Variants in ATP8A1 observed in about 807,000 individuals in gnomAD.
The protein encoded by ATP8A1 is phospholipid-transporting ATPase IA.
In ATP8A1, 90 loss-of-function variants were observed where a neutral mutation model predicts 177.7. The ratio of observed to expected loss-of-function variants is 0.51; its 90% CI spans 0.43 to 0.60. The LOEUF is 0.60. ATP8A1 is among the 20% of genes least tolerant of loss of function. The pLI is 0.00. For missense variants in ATP8A1, 1,072 were observed against 1,392.8 expected (o/e 0.77, Z 3.67); for synonymous variants, 493 against 485.9 (o/e 1.01, Z -0.19).
chr4:42,472,020 T>A (rs1211664116), intron 25 of ATP8A1: 2 of 720,606 alleles, frequency 2.8e-6, no homozygotes, highest in African/African-American at 1.7e-5. Flanking sequence ...TCAACTGAAA[T>A]CTTTCCAGAA....
At chr4:42,448,401 C>CTTTTCTTTTTTTT in intron 30 of ATP8A1, among the ~76,000 whole-genome samples, 1 of 99,572 alleles carries the variant, frequency 1.0e-5, no homozygotes, top group African/African-American at 3.4e-5. Flanking sequence ...TCTTTCTTTT[C>CTTTTCTTTTTTTT]TTTTTTTTTT....
intron 16 of ATP8A1, among the ~76,000 whole-genome samples, chr4:42,553,548 TC>T (rs1729726378): frequency 6.6e-6 from 1 of 152,134 alleles, no homozygotes; most frequent in Non-Finnish European, 1.5e-5. Context: ...TTACATATCT[TC>T]CTGTCTGGCT....
At chr4:42,416,184 C>G (rs1438292261) in intron 35 of ATP8A1, among the ~76,000 whole-genome samples, 1 of 152,172 alleles carries the variant, frequency 6.6e-6, no homozygotes, top group Non-Finnish European at 1.5e-5. Flanking sequence ...CTGAGGGACA[C>G]TAAAATATGT....
At chr4:42,570,213 C>CTA (rs531618682) in intron 14 of ATP8A1, among the ~76,000 whole-genome samples, 79 of 152,346 alleles carry the variant, frequency 5.2e-4, no homozygotes, top group African/African-American at 1.7e-3. Context: ...GCAGTATCCA[C>CTA]TATATCACTC....
In ATP8A1 at chr4:42,569,168, C is replaced by G; in HGVS notation, c.1333G>C (p.Asp445His). 1 of 1,605,098 alleles carries G rather than the reference C, an allele frequency of 6.2e-7. No homozygotes were observed. Among genetic ancestry groups the G allele is most frequent in the African/African-American group, 1.3e-5 (1 of 74,438 alleles). The change falls in exon 15 of 37, where the codon GAT (aspartate) becomes CAT (histidine). Residue 445 changes from aspartate (D) to histidine (H), a missense_variant. This residue lies in a region of ATP8A1 where 388 missense variants were observed against 471.7 expected (regional missense o/e 0.82). Transcript: ENST00000381668. Reference sequence around the variant, plus strand: ...AAGTTCCATAGAGCTTACCATTCATCAGGAGAGCAGCCATAATCCTCAGGT... The same window carrying G: ...AAGTTCCATAGAGCTTACCATTCATGAGGAGAGCAGCCATAATCCTCAGGT... ...PEPEDYGCSP[D>H]EWQNSQFGDE... is the part of the protein sequence containing the mutation.
intron 5 of ATP8A1, among the ~76,000 whole-genome samples, chr4:42,609,732 T>C (rs183042948): frequency 2.0e-5 from 3 of 152,204 alleles, no homozygotes; most frequent in Admixed American, 2.0e-4. Context: ...GTCTTCTACT[T>C]GACACAACCT....
chr4:42,449,237 T>C (rs139587532), intron 30 of ATP8A1, among the ~76,000 whole-genome samples: 2 of 152,256 alleles, frequency 1.3e-5, no homozygotes, highest in African/African-American at 2.4e-5. Flanking sequence ...CACTTTGGTA[T>C]GCAGAACTGC....
intron 24 of ATP8A1, among the ~76,000 whole-genome samples, chr4:42,497,581 A>G (rs753768290): frequency 2.0e-5 from 3 of 152,190 alleles, no homozygotes; most frequent in African/African-American, 7.2e-5. Flanking sequence ...AAACAGACAC[A>G]CTATAAATTT....
intron 33 of ATP8A1, among the ~76,000 whole-genome samples, chr4:42,435,357 T>C (rs578256524): frequency 1.4e-5 from 2 of 140,946 alleles, no homozygotes; most frequent in South Asian, 4.5e-4. Context: ...ACCCAGGAAG[T>C]GGAGGTTGCA....
At chr4:42,485,767 A>C (rs760227376) in intron 24 of ATP8A1, 99 bp from the exon 25 acceptor site, 2 of 1,019,312 alleles carry the variant, frequency 2.0e-6, no homozygotes, top group Non-Finnish European at 2.8e-6. Flanking sequence ...AGTTATTTTT[A>C]GTGCTTTTTA....
At chr4:42,437,604 C>A (rs1392021453) in intron 33 of ATP8A1, among the ~76,000 whole-genome samples, 1 of 152,152 alleles carries the variant, frequency 6.6e-6, no homozygotes, top group Non-Finnish European at 1.5e-5. Flanking sequence ...TGCCCCTAAC[C>A]CCCGATATCG....
chr4:42,422,334 C>A (rs1714056329), intron 35 of ATP8A1, among the ~76,000 whole-genome samples: 1 of 152,164 alleles, frequency 6.6e-6, no homozygotes, highest in African/African-American at 2.4e-5. Context: ...TTGTTATCTG[C>A]CCGCCTCGGC....
At chr4:42,473,785 A>G (rs1318681389) in intron 25 of ATP8A1, among the ~76,000 whole-genome samples, 1 of 151,556 alleles carries the variant, frequency 6.6e-6, no homozygotes, top group African/African-American at 2.4e-5. Flanking sequence ...AGCTGGGACT[A>G]AAAATGTACG....
chr4:42,617,248 GC>G (rs1737016031), intron 4 of ATP8A1, among the ~76,000 whole-genome samples: 1 of 152,190 alleles, frequency 6.6e-6, no homozygotes, highest in African/African-American at 2.4e-5. Flanking sequence ...GAAACAATCA[GC>G]TACTGAACTG....
At chr4:42,452,851 A>T (rs1718077112) in intron 29 of ATP8A1, among the ~76,000 whole-genome samples, 1 of 152,236 alleles carries the variant, frequency 6.6e-6, no homozygotes. Context: ...AACAAAACTT[A>T]TGCTAAATAA....
chr4:42,504,795 T>C (rs911296217), intron 23 of ATP8A1, among the ~76,000 whole-genome samples: 13 of 152,268 alleles, frequency 8.5e-5, no homozygotes, highest in Non-Finnish European at 1.6e-4. Context: ...CCCTGTTTAC[T>C]TGCAGTAAAT....
chr4:42,441,761 A>G (rs1180004570), intron 33 of ATP8A1, among the ~76,000 whole-genome samples: 1 of 152,172 alleles, frequency 6.6e-6, no homozygotes, highest in Admixed American at 6.5e-5. Context: ...ATAAACAGAC[A>G]TTTTGGACGT....
intron 27 of ATP8A1, among the ~76,000 whole-genome samples, chr4:42,457,797 T>C (rs1718654040): frequency 6.6e-6 from 1 of 152,224 alleles, no homozygotes; most frequent in African/African-American, 2.4e-5. Flanking sequence ...AAATTTGAAA[T>C]AATTTGCAAG....
Position 42,624,518 on chromosome 4 carries a change from A to T in ATP8A1, c.363+18T>A, listed in dbSNP as rs776782985. ...AATAACAAAGTCACATACAATTATG[A>T]AAAAATAGAATACTTACAATATCTT... On this transcript the variant is annotated intron_variant, in intron 4 of 36. Coordinates refer to ENST00000381668, the MANE Select transcript of ATP8A1 (RefSeq NM_006095.2). 10 of 1,326,786 alleles carry T rather than the reference A, an allele frequency of 7.5e-6. No individual in the cohort carries two copies. Among genetic ancestry groups the T allele is most frequent in the African/African-American group, 1.5e-5 (1 of 65,902 alleles). 82.2% of individuals were successfully genotyped at this position (1,326,786 alleles called of 1,614,324 possible). A position where few individuals can be genotyped will look rare whatever the true frequency, so the allele number is the denominator to read the frequency against.
Sources: allele counts gnomAD v4.1 joint callset (sites outside exome capture counted in the v4.1 genomes callset), GRCh38; gene constraint gnomAD v4.1.1; regional missense constraint gnomAD v4.1.1; transcripts MANE v1.5; gene names NCBI Gene and HGNC (gene_info 2026-07-23, HGNC 2026-07-21).